The following CLDN16 variants were observed in gnomAD, a reference collection of about 807,000 sequenced individuals.
The protein encoded by CLDN16 is claudin-16.
Under a neutral mutation model 24.6 loss-of-function variants are expected in CLDN16, and 13 were observed. The observed-to-expected ratio is 0.53, with a 90% CI of 0.34 to 0.84. The LOEUF (loss-of-function observed/expected upper bound fraction) is 0.84. Ranked by LOEUF, CLDN16 falls within the 40% of genes least tolerant of loss-of-function variation. The pLI is 0.01. For synonymous variants in CLDN16, 116 were observed against 106.7 expected (o/e 1.09, Z -0.54); for missense variants, 298 against 292.7 (o/e 1.02, Z -0.13).
chr3:190,380,272 T>TCCTTCCTTTCTTC (rs1282830158), intron 3 of CLDN16, among the ~76,000 whole-genome samples: 1 of 150,376 alleles, frequency 6.6e-6, no homozygotes. Context: ...CTTCCTTCCT[T>TCCTTCCTTTCTTC]CTGTTTTTTG....
intron 1 of CLDN16, among the ~76,000 whole-genome samples, chr3:190,366,444 G>C (rs1270489509): frequency 6.6e-6 from 1 of 151,874 alleles, no homozygotes; most frequent in Non-Finnish European, 1.5e-5. Context: ...CCATTTTAAA[G>C]ATTGTATCTT....
chr3:190,345,899 T>G (rs1381255354), intron 1 of CLDN16, among the ~76,000 whole-genome samples: 1 of 152,098 alleles, frequency 6.6e-6, no homozygotes, highest in African/African-American at 2.4e-5. Flanking sequence ...ATAATCTTAT[T>G]CATTTATTTA....
At chr3:190,322,530 G>C, upstream of CLDN16, 1 of 335,390 alleles carries the variant, frequency 3.0e-6, no homozygotes, top group Admixed American at 4.7e-5. Context: ...GCGGTTTCAG[G>C]GCGGCTCACC....
At chr3:190,295,215 C>T in the CLDN16 span, among the ~76,000 whole-genome samples, 1 of 152,022 alleles carries the variant, frequency 6.6e-6, no homozygotes, top group African/African-American at 2.4e-5. Flanking sequence ...TTGTCAGGTA[C>T]ACAATGATAC....
rs184535256 is a variant in CLDN16, at chr3:190,345,714, T to C, written n.121+23053T>C. Among the ~76,000 whole-genome samples, 6 of 152,306 alleles carry C rather than the reference T, an allele frequency of 3.9e-5. No individual in the cohort carries two copies. In the East Asian group the frequency reaches 1.2e-3, roughly 29 times the overall value. Reference sequence around the variant, plus strand: ...CTTTACCTCACTGGGCTTCCAGTTATTCATTCGTGAAATACAGGAAGAGGC... The same window carrying C: ...CTTTACCTCACTGGGCTTCCAGTTACTCATTCGTGAAATACAGGAAGAGGC... On this transcript the variant is annotated intron_variant and non_coding_transcript_variant, in intron 1 of 4. Coordinates refer to the CLDN16 transcript ENST00000468220.
upstream of CLDN16, among the ~76,000 whole-genome samples, chr3:190,383,852 T>A (rs4687142): frequency 0.21 from 32,352 of 152,170 alleles, 4,041 homozygotes; most frequent in East Asian, 0.45. Flanking sequence ...ATGGCACATA[T>A]ATAAAACAGC....
At chr3:190,320,808 C>T (rs1024535722), upstream of CLDN16, among the ~76,000 whole-genome samples, 1 of 152,092 alleles carries the variant, frequency 6.6e-6, no homozygotes, top group African/African-American at 2.4e-5. Flanking sequence ...ACTAAGGGAT[C>T]TTTTCTTCAA....
chr3:190,384,213 A>G (rs1030302279), upstream of CLDN16, among the ~76,000 whole-genome samples: 1 of 152,162 alleles, frequency 6.6e-6, no homozygotes, highest in African/African-American at 2.4e-5. Context: ...AAAGGGAGTT[A>G]GAAGACTATT....
At chr3:190,365,384 G>A (rs1304923146) in intron 1 of CLDN16, among the ~76,000 whole-genome samples, 1 of 151,642 alleles carries the variant, frequency 6.6e-6, no homozygotes, top group East Asian at 2.0e-4. Context: ...GGCCAGTGAA[G>A]TGTCTTTTGG....
the CLDN16 span, among the ~76,000 whole-genome samples, chr3:190,303,260 CA>C: frequency 6.6e-6 from 1 of 152,204 alleles, no homozygotes; most frequent in South Asian, 2.1e-4. Flanking sequence ...CTGCTTGACC[CA>C]GATCACCTAT....
chr3:190,399,845 C>T (rs1718918516), intron 1 of CLDN16, among the ~76,000 whole-genome samples: 1 of 152,134 alleles, frequency 6.6e-6, no homozygotes, highest in Admixed American at 6.6e-5. Flanking sequence ...AGCAAGTGAG[C>T]ATTACCGCCT....
intron 3 of CLDN16, among the ~76,000 whole-genome samples, chr3:190,379,984 TC>T (rs1718325921): frequency 1.3e-5 from 2 of 151,386 alleles, no homozygotes; most frequent in South Asian, 2.1e-4. Flanking sequence ...TGTCTATCTA[TC>T]TATCTATCTA....
rs1719293559 is a variant in CLDN16 at position 190,411,825 on chromosome 3, ATTAG to A, written c.*1793_*1796del. 1.3e-5 allele frequency: 2 copies of A among 152,106 alleles called. No individual in the cohort carries two copies. Among genetic ancestry groups the A allele is most frequent in the Admixed American group, 1.3e-4 (2 of 15,276 alleles). 9.4% of individuals were successfully genotyped at this position (152,106 alleles called of 1,614,324 possible). On this transcript the variant is annotated 3_prime_UTR_variant, in exon 5 of 5. Coordinates refer to ENST00000264734, the MANE Select transcript of CLDN16 (RefSeq NM_006580.4). Reference sequence around the variant, plus strand: ...TTAAAAATATTTGCAAATCATACTCATTAGTTATTTGATCATTGTTCTATGCATT... The same window carrying A: ...TTAAAAATATTTGCAAATCATACTCATTATTTGATCATTGTTCTATGCATT...
At chr3:190,381,606 T>C (rs946613339) in intron 3 of CLDN16, among the ~76,000 whole-genome samples, 2 of 151,980 alleles carry the variant, frequency 1.3e-5, no homozygotes, top group African/African-American at 4.8e-5. Context: ...TTAGCACCAG[T>C]GTATTGGAAT....
At chr3:190,323,401 A>C (rs1716987113) in intron 1 of CLDN16, among the ~76,000 whole-genome samples, 1 of 152,042 alleles carries the variant, frequency 6.6e-6, no homozygotes, top group South Asian at 2.1e-4. Context: ...TCCAGCTTTT[A>C]CTGTGACTGG....
At chr3:190,291,018 A>G in the CLDN16 span, among the ~76,000 whole-genome samples, 1 of 152,190 alleles carries the variant, frequency 6.6e-6, no homozygotes, top group African/African-American at 2.4e-5. Flanking sequence ...TATTTTCTAT[A>G]TGATGGTCTT....
intron 1 of CLDN16, among the ~76,000 whole-genome samples, chr3:190,358,858 C>A (rs964698636): frequency 1.3e-5 from 2 of 151,948 alleles, no homozygotes; most frequent in Non-Finnish European, 2.9e-5. Flanking sequence ...TCAGTAGTTA[C>A]TGAAAGATAT....
intron 1 of CLDN16, among the ~76,000 whole-genome samples, chr3:190,358,670 A>G (rs1717825674): frequency 7.3e-6 from 1 of 136,098 alleles, no homozygotes; most frequent in African/African-American, 2.6e-5. Context: ...CAAAATTAAA[A>G]AAAACAACAA....
chr3:190,319,993 A>G (rs1281266206), upstream of CLDN16, among the ~76,000 whole-genome samples: 1 of 152,242 alleles, frequency 6.6e-6, no homozygotes, highest in Non-Finnish European at 1.5e-5. Context: ...CACCTTGGAT[A>G]AACTATGGCT....
Sources: gnomAD v4.1 joint callset for allele counts (sites outside exome capture counted in the v4.1 genomes callset) on GRCh38, gnomAD v4.1.1 for gene constraint, MANE v1.5 for transcripts, NCBI Gene and HGNC (gene_info 2026-07-23, HGNC 2026-07-21) for gene names.